The following GNAL variants were observed in gnomAD, a reference collection of about 807,000 sequenced individuals.
The protein encoded by GNAL is guanine nucleotide-binding protein G(olf) subunit alpha.
GNAL carries 18 observed loss-of-function variants against 55.1 expected under a neutral mutation model. The observed-to-expected ratio is 0.33, with a 90% confidence interval of 0.23 to 0.48. GNAL has a LOEUF of 0.48. GNAL is among the 20% of genes least tolerant of loss of function. The pLI is 0.99. For missense variants in GNAL, 412 were observed against 614.1 expected (o/e 0.67, Z 3.48); for synonymous variants, 253 against 237.0 (o/e 1.07, Z -0.62).
At chr18:11,832,714 C>T (rs1028683910) in intron 5 of GNAL, among the ~76,000 whole-genome samples, 4 of 151,816 alleles carry the variant, frequency 2.6e-5, no homozygotes, top group East Asian at 1.9e-4. Context: ...AGAAATTAGC[C>T]GGGCATGGTG....
chr18:11,794,485 C>T (rs150298488), intron 4 of GNAL, among the ~76,000 whole-genome samples: 100 of 152,224 alleles, frequency 6.6e-4, no homozygotes, highest in African/African-American at 2.2e-3. Context: ...ATGTGAAAGG[C>T]CACATATTGT....
At chr18:11,771,215 TAAAAAAAAAAA>T (rs539820206) in intron 4 of GNAL, among the ~76,000 whole-genome samples, 1 of 128,746 alleles carries the variant, frequency 7.8e-6, no homozygotes, top group East Asian at 2.2e-4. Context: ...TGAAACTCTG[TAAAAAAAAAAA>T]AAAAAGAAAA....
intron 5 of GNAL, among the ~76,000 whole-genome samples, chr18:11,831,093 CA>C (rs1029319560): frequency 1.3e-5 from 2 of 151,984 alleles, no homozygotes; most frequent in Non-Finnish European, 1.5e-5. Context: ...ATACTGAAAC[CA>C]TGGAATTGCA....
chr18:11,788,914 A>AAAAAAAAAAATATATAT (rs60071996), intron 4 of GNAL, among the ~76,000 whole-genome samples: 2 of 56,302 alleles, frequency 3.6e-5, no homozygotes, highest in African/African-American at 2.0e-4. Context: ...AAAAAAAAAA[A>AAAAAAAAAAATATATAT]ATATATATAT....
chr18:11,836,148 A>C (rs552866322), intron 5 of GNAL, among the ~76,000 whole-genome samples: 11 of 152,098 alleles, frequency 7.2e-5, no homozygotes, highest in African/African-American at 2.4e-4. Flanking sequence ...CCTGTCGCAA[A>C]AAATAATACT....
intron 5 of GNAL, chr18:11,857,407 G>A: frequency 1.2e-6 from 1 of 815,780 alleles, no homozygotes; most frequent in South Asian, 5.6e-5. Flanking sequence ...ACTACAGGGA[G>A]TTTTGACTGG....
intron 5 of GNAL, among the ~76,000 whole-genome samples, chr18:11,859,438 C>T (rs2036080821): frequency 6.6e-6 from 1 of 152,256 alleles, no homozygotes. Flanking sequence ...CCACCACATT[C>T]CAGGCCAGCA....
At chr18:11,846,846 T>C (rs905577105) in intron 5 of GNAL, among the ~76,000 whole-genome samples, 1 of 152,002 alleles carries the variant, frequency 6.6e-6, no homozygotes, top group African/African-American at 2.4e-5. Context: ...CAAAGTGTTG[T>C]GATTACAGGC....
chr18:11,787,650 G>C (rs904397011), intron 4 of GNAL, among the ~76,000 whole-genome samples: 6 of 152,100 alleles, frequency 3.9e-5, no homozygotes, highest in Non-Finnish European at 7.4e-5. Flanking sequence ...CGAGGTGGGC[G>C]GATCACGAGG....
chr18:11,843,993 T>C (rs2035677156), intron 5 of GNAL, among the ~76,000 whole-genome samples: 1 of 151,874 alleles, frequency 6.6e-6, no homozygotes, highest in Admixed American at 6.6e-5. Flanking sequence ...CAAAAAACTT[T>C]ATGTTTTGGC....
chr18:11,885,284 A>AG lies in GNAL; in HGVS notation c.*4149_*4150insG, dbSNP rs1345152809. ...AGTGAAACATCTTTTATCAACCTGC[A>AG]AAAGCTGCAGCGTTCTCTGCCAGGT... On this transcript the variant is annotated 3_prime_UTR_variant, in exon 12 of 12. Coordinates refer to ENST00000334049, the MANE Select transcript of GNAL (RefSeq NM_182978.4). The AG allele has an allele frequency of 1.9e-4, 54 of 281,706 alleles. No homozygotes were observed. Among genetic ancestry groups the AG allele is most frequent in the African/African-American group, 1.2e-3 (53 of 44,240 alleles). 17.5% of individuals were successfully genotyped at this position (281,706 alleles called of 1,614,324 possible). A position where few individuals can be genotyped will look rare whatever the true frequency, so the allele number is the denominator to read the frequency against.
chr18:11,817,843 C>T (rs1344503745), intron 4 of GNAL, among the ~76,000 whole-genome samples: 1 of 151,976 alleles, frequency 6.6e-6, no homozygotes, highest in Non-Finnish European at 1.5e-5. Flanking sequence ...CCCGCCTCAG[C>T]CTCCCAAAGT....
intron 4 of GNAL, among the ~76,000 whole-genome samples, chr18:11,792,850 C>G (rs2034274988): frequency 6.6e-6 from 1 of 152,216 alleles, no homozygotes; most frequent in Non-Finnish European, 1.5e-5. Flanking sequence ...TTCCATATGA[C>G]AGAGGACACT....
intron 1 of GNAL, among the ~76,000 whole-genome samples, chr18:11,698,704 C>T (rs75231446): frequency 0.053 from 7,788 of 147,548 alleles, 279 homozygotes; most frequent in Non-Finnish European, 0.079. Flanking sequence ...GGGGTGATGA[C>T]GGATGAGACT....
chr18:11,715,182 G>C (rs527825649), intron 1 of GNAL, among the ~76,000 whole-genome samples: 1 of 151,350 alleles, frequency 6.6e-6, no homozygotes, highest in Non-Finnish European at 1.5e-5. Context: ...TAACAAGGCC[G>C]GGCGCGGTGG....
chr18:11,832,402 G>C (rs951849995), intron 5 of GNAL, among the ~76,000 whole-genome samples: 2 of 152,170 alleles, frequency 1.3e-5, no homozygotes, highest in Non-Finnish European at 2.9e-5. Context: ...TCTGTTTTCT[G>C]TCATCTTTCA....
chr18:11,840,833 T>G (rs1010550712), intron 5 of GNAL, among the ~76,000 whole-genome samples: 4 of 152,114 alleles, frequency 2.6e-5, no homozygotes, highest in African/African-American at 9.7e-5. Flanking sequence ...TTTCTTTGAT[T>G]TAGTTCACGT....
chr18:11,741,266 A>G (rs1348699066), intron 1 of GNAL, among the ~76,000 whole-genome samples: 1 of 152,216 alleles, frequency 6.6e-6, no homozygotes, highest in Non-Finnish European at 1.5e-5. Flanking sequence ...TTGGAATCCA[A>G]CAGAACAGAC....
intron 5 of GNAL, chr18:11,857,083 A>G (rs2036025042): frequency 6.6e-6 from 1 of 152,208 alleles, no homozygotes; most frequent in Admixed American, 6.5e-5. Context: ...ACAGATAGGT[A>G]GATAAAACAT....
Sources: gnomAD v4.1 joint callset for allele counts (sites outside exome capture counted in the v4.1 genomes callset) on GRCh38, gnomAD v4.1.1 for gene constraint, MANE v1.5 for transcripts, NCBI Gene and HGNC (gene_info 2026-07-23, HGNC 2026-07-21) for gene names.